The following APAF1 variants were observed in gnomAD, a reference collection of about 807,000 sequenced individuals.
APAF1 encodes apoptotic protease-activating factor 1.
APAF1 carries 91 observed loss-of-function variants against 152.4 expected under a neutral mutation model. The observed-to-expected ratio is 0.60, with a 90% CI of 0.50 to 0.71. The LOEUF is 0.71. Among genes scored for constraint, APAF1 ranks in the 30% least tolerant of loss-of-function variants. APAF1 has a pLI of 0.00. For missense variants in APAF1, 1,283 were observed against 1,472.0 expected (o/e 0.87, Z 2.10); for synonymous variants, 484 against 494.1 (o/e 0.98, Z 0.27).
At chr12:98,646,034 C>G (rs1393498018) in intron 1 of APAF1, among the ~76,000 whole-genome samples, 199 bp downstream of exon 1, 1 of 152,176 alleles carries the variant, frequency 6.6e-6, no homozygotes, top group Non-Finnish European at 1.5e-5. Context: ...GTTTTACGTC[C>G]ATGAAGAGTT....
chr12:98,729,048 A>C (rs2097755983), intron 26 of APAF1, among the ~76,000 whole-genome samples: 1 of 152,230 alleles, frequency 6.6e-6, no homozygotes, highest in African/African-American at 2.4e-5. Context: ...GTGGTAAACC[A>C]ATAAAGTCCC....
intron 14 of APAF1, among the ~76,000 whole-genome samples, chr12:98,682,891 C>A (rs1052620980): frequency 6.6e-6 from 1 of 152,132 alleles, no homozygotes; most frequent in Admixed American, 6.5e-5. Flanking sequence ...TAAGAAATGT[C>A]ATGTGTTCAT....
At chr12:98,679,036 G>A (rs996365879) in intron 13 of APAF1, among the ~76,000 whole-genome samples, 5 of 152,240 alleles carry the variant, frequency 3.3e-5, no homozygotes, top group Admixed American at 2.6e-4. Flanking sequence ...AGGCCACAAA[G>A]GGCCTGAAGA....
chr12:98,667,242 T>C (rs2097674142), intron 9 of APAF1, among the ~76,000 whole-genome samples: 1 of 151,972 alleles, frequency 6.6e-6, no homozygotes. Flanking sequence ...TCTGCAGGCA[T>C]ATGCCACCAC....
At chr12:98,670,329 C>T (rs763301890) in intron 10 of APAF1, among the ~76,000 whole-genome samples, 45 of 152,070 alleles carry the variant, frequency 3.0e-4, no homozygotes, top group African/African-American at 9.7e-4. Context: ...CTTTGATTAC[C>T]GGTGAGATTT....
At chr12:98,685,636 T>C (rs1215182040) in intron 15 of APAF1, among the ~76,000 whole-genome samples, 2 of 150,198 alleles carry the variant, frequency 1.3e-5, no homozygotes, top group African/African-American at 2.5e-5. Context: ...GCCCAGCTTA[T>C]AAACTCCTCC....
chr12:98,666,076 G>A, intron 8 of APAF1, 114 bp from the exon 9 acceptor site: 1 of 989,540 alleles, frequency 1.0e-6, no homozygotes, highest in Non-Finnish European at 1.6e-6. Context: ...AAGAAATGGA[G>A]ACATTCTTAC....
chr12:98,649,751 C>A, intron 4 of APAF1, 67 bp downstream of exon 4: 2 of 1,356,184 alleles, frequency 1.5e-6, no homozygotes, highest in Non-Finnish European at 2.1e-6. Context: ...TATGATATAT[C>A]AATACGTGAT....
intron 18 of APAF1, among the ~76,000 whole-genome samples, chr12:98,704,757 CTT>C (rs1022521040): frequency 7.2e-4 from 110 of 152,132 alleles, no homozygotes; most frequent in African/African-American, 2.6e-3. Flanking sequence ...TGGGCAGAGA[CTT>C]TGAATTGGAA....
chr12:98,686,745 T>C lies in APAF1; in HGVS notation c.2179-3T>C. ...TATTTATCTTTTTTTCTTTCACAAA[T>C]AGCTTTGGGATTTGAATCAAAAAGA... On this transcript the variant is annotated splice_polypyrimidine_tract_variant and splice_region_variant and intron_variant, in intron 15 of 26. Coordinates refer to ENST00000551964, the MANE Select transcript of APAF1 (RefSeq NM_181861.2). 1 of 1,613,176 alleles carries C rather than the reference T, an allele frequency of 6.2e-7. No homozygotes were observed. Among genetic ancestry groups the C allele is most frequent in the South Asian group, 1.1e-5 (1 of 91,006 alleles).
At chr12:98,676,234 A>T (rs888669880) in intron 12 of APAF1, among the ~76,000 whole-genome samples, 1 of 152,078 alleles carries the variant, frequency 6.6e-6, no homozygotes, top group Non-Finnish European at 1.5e-5. Context: ...TTTATTTAGA[A>T]ACAGACCCTC....
chr12:98,686,828 A>G lies in APAF1; in HGVS notation c.2259A>G (p.Pro753=), dbSNP rs2153326880. ...TNSVNHCRFS[P]DDKLLASCSA... ...CAGTCAATCACTGCAGATTTTCACC[A>G]GATGATAAGCTTTTGGCTAGTTGTT... is the stretch of plus-strand genomic sequence containing the variant. Residue 753 remains proline, a synonymous_variant, in exon 16 of 27, where the codon CCA becomes CCG. Coordinates refer to ENST00000551964, the MANE Select transcript of APAF1 (RefSeq NM_181861.2). 6.2e-7 allele frequency: 1 copy of G among 1,614,034 alleles called. No homozygotes were observed. The highest frequency in any genetic ancestry group is 2.2e-5 in the East Asian group (1 of 44,842).
chr12:98,708,808 C>T (rs749268221), intron 20 of APAF1, 104 bp downstream of exon 20: 84 of 1,142,470 alleles, frequency 7.4e-5, no homozygotes, highest in Non-Finnish European at 1.0e-4. Flanking sequence ...TATTTTGTAT[C>T]TAACAGGTGT....
intron 16 of APAF1, among the ~76,000 whole-genome samples, chr12:98,698,613 A>G (rs1380214725): frequency 1.3e-5 from 2 of 152,178 alleles, no homozygotes; most frequent in African/African-American, 4.8e-5. Flanking sequence ...CAGAAAAATT[A>G]GGTTTTACCT....
chr12:98,719,036 A>G (rs1214463773), intron 22 of APAF1, among the ~76,000 whole-genome samples: 1 of 151,410 alleles, frequency 6.6e-6, no homozygotes, highest in Non-Finnish European at 1.5e-5. Context: ...TCCTCGTTCT[A>G]CTCCATTGGA....
intron 16 of APAF1, among the ~76,000 whole-genome samples, chr12:98,694,925 A>G (rs900294361): frequency 5.4e-5 from 8 of 147,604 alleles, no homozygotes; most frequent in African/African-American, 2.0e-4. Flanking sequence ...CCCAGGCTGG[A>G]GTGCTGTGGC....
chr12:98,654,717 A>C (rs1244249910), intron 4 of APAF1, among the ~76,000 whole-genome samples: 1 of 152,040 alleles, frequency 6.6e-6, no homozygotes, highest in African/African-American at 2.4e-5. Flanking sequence ...GATTTTTACA[A>C]ATTTTAGGTA....
chr12:98,684,376 C>T (rs953992209), intron 15 of APAF1, among the ~76,000 whole-genome samples: 16 of 151,136 alleles, frequency 1.1e-4, no homozygotes, highest in African/African-American at 3.9e-4. Context: ...TCTTCCTCCC[C>T]CTTTCCCTCT....
rs752354073 is a variant in APAF1 at position 98,666,311 on chromosome 12, A to G, written c.1316A>G (p.Asp439Gly). The G allele has an allele frequency of 2.5e-6, 4 of 1,613,444 alleles. No homozygotes were observed. In the South Asian group the frequency reaches 4.4e-5, roughly 18 times the overall value. The change falls in exon 9 of 27, where the codon GAT becomes GGT. Residue 439 changes from aspartate to glycine, a missense_variant. Transcript: ENST00000551964. ...NGKSFRYYLH[D>G]LQVDFLTEKN... ...AAGTCGTTTCGTTATTATTTACATG[A>G]TCTTCAAGTAGATTTTCTTACAGAG...
Sources: allele counts gnomAD v4.1 joint callset (sites outside exome capture counted in the v4.1 genomes callset), GRCh38; gene constraint gnomAD v4.1.1; transcripts MANE v1.5; gene names NCBI Gene and HGNC (gene_info 2026-07-23, HGNC 2026-07-21).